Variants in RASGRP4 observed in about 807,000 individuals in gnomAD.
RASGRP4 encodes the protein RAS guanyl releasing protein 4.
In RASGRP4, 52 loss-of-function variants were observed where a neutral mutation model predicts 84.4. The observed-to-expected ratio is 0.62, with a 90% confidence interval of 0.49 to 0.78. RASGRP4 has a LOEUF of 0.78. Ranked by LOEUF, RASGRP4 falls within the 30% of genes least tolerant of loss-of-function variation. The pLI is 0.00. For synonymous variants in RASGRP4, 356 were observed against 359.1 expected, an observed-to-expected ratio of 0.99 and a Z score of 0.10; for missense variants, 760 against 886.9, an observed-to-expected ratio of 0.86 and a Z score of 1.82.
At position 38,411,013 on chromosome 19, in the gene RASGRP4, A is replaced by T; in HGVS notation, c.1853-15T>A. On this transcript the variant is annotated splice_polypyrimidine_tract_variant and intron_variant, in intron 15 of 16. Transcript: ENST00000615439. ...TTCCTCGGAGCCTGTTTGTGGGTGGATGGAAGGGATGTGGGTCTGATGGGA... is the reference window on the plus strand; with the variant it reads ...TTCCTCGGAGCCTGTTTGTGGGTGGTTGGAAGGGATGTGGGTCTGATGGGA... 1.2e-6 allele frequency: 2 copies of T among 1,607,342 alleles called. No homozygotes were observed. Among genetic ancestry groups the T allele is most frequent in the Non-Finnish European group, 1.7e-6 (2 of 1,176,910 alleles).
chr19:38,417,115 C>T lies in RASGRP4; in HGVS notation c.891G>A (p.Leu297=). The T allele has an allele frequency of 6.4e-7, 1 of 1,565,240 alleles. No homozygotes were observed. The highest frequency in any genetic ancestry group is 8.7e-7 in the Non-Finnish European group (1 of 1,154,780). The change falls in exon 8 of 17, where the codon CTG becomes CTA. Residue 297 remains leucine (L), a synonymous_variant. Coordinates refer to ENST00000615439, the MANE Select transcript of RASGRP4 (RefSeq NM_170604.3). This position sits in a 1 kb window ranked among gnomAD's most constrained non-coding sequence, Gnocchi z 5.1. The part of the protein sequence containing the change: ...FNTLMAVTGG[L]CHSAISRLKD... ...TGAGTCTGGAGATGGCACTGTGACA[C>T]AGGCCCCCTGTGACTGCCATCAGCG... is the stretch of plus-strand genomic sequence containing the variant.
At chr19:38,411,528 G>T (rs750366977) in intron 13 of RASGRP4, 147 bp from the exon 14 acceptor site, 2 of 787,506 alleles carry the variant, frequency 2.5e-6, no homozygotes, top group South Asian at 1.9e-5. Context: ...AGGAATGTGG[G>T]TGGGGTACAG....
rs1160081899 is a variant in RASGRP4 at position 38,413,252 on chromosome 19, C to T, written c.1357G>A (p.Gly453Ser). 1.9e-6 allele frequency: 3 copies of T among 1,613,820 alleles called. No homozygotes were observed. The highest frequency in any genetic ancestry group is 2.5e-6 in the Non-Finnish European group (3 of 1,179,872). The change falls in exon 11 of 17, where the codon GGT becomes AGT. Residue 453 changes from glycine to serine, a missense_variant. Gly to Ser is a moderately conservative substitution (Grantham distance 56). Coordinates refer to ENST00000615439, the MANE Select transcript of RASGRP4 (RefSeq NM_170604.3). The surrounding 1 kb of genome is among the most constrained non-coding windows in gnomAD (Gnocchi z 4.7). Reference sequence around the variant, plus strand: ...ACCCTGTCCGGCTTGGGTGTCACACCAGGGGCCCACTCCACCACCAGAGGT... The same window carrying T: ...ACCCTGTCCGGCTTGGGTGTCACACTAGGGGCCCACTCCACCACCAGAGGT... ...NAPLVVEWAP[G>S]VTPKPDRVTL...
In RASGRP4 at chr19:38,426,100, C is replaced by A. The variant is rs186298477; in HGVS notation, c.-9G>T. 1.5e-6 allele frequency: 2 copies of A among 1,331,040 alleles called. No individual in the cohort carries two copies. The highest frequency in any genetic ancestry group is 2.8e-5 in the East Asian group (1 of 35,572). 82.5% of individuals were successfully genotyped at this position (1,331,040 alleles called of 1,614,324 possible). A position where few individuals can be genotyped will look rare whatever the true frequency, so the allele number is the denominator to read the frequency against. On this transcript the variant is annotated 5_prime_UTR_variant, in exon 1 of 17. Transcript: ENST00000615439. ...CTGTCTTTTCTGTTCATGCTTCCCG[C>A]GTGGGGTGAGGAGGCCGGGGGTCTT...
intron 1 of RASGRP4, among the ~76,000 whole-genome samples, chr19:38,424,763 G>A (rs906116611): frequency 2.6e-5 from 4 of 151,820 alleles, no homozygotes; most frequent in Non-Finnish European, 4.4e-5. Flanking sequence ...ATATGTCCTA[G>A]GCTAAGGAAG....
At chr19:38,422,215 CTT>C in intron 1 of RASGRP4, 62 bp from the exon 2 acceptor site, 3 of 1,468,584 alleles carry the variant, frequency 2.0e-6, no homozygotes, top group Non-Finnish European at 9.1e-7. Flanking sequence ...CCTAGAATTC[CTT>C]TTGACTCTAA....
intron 4 of RASGRP4, 91 bp downstream of exon 4, chr19:38,420,814 AACT>A: frequency 7.6e-7 from 1 of 1,309,560 alleles, no homozygotes; most frequent in Non-Finnish European, 1.1e-6. Flanking sequence ...GGTCTGTGGG[AACT>A]GGCCTGGGGA....
chr19:38,422,040 A>G lies in RASGRP4; in HGVS notation c.137T>C (p.Met46Thr), dbSNP rs1600576835. The change falls in exon 2 of 17, where the codon ATG (methionine) becomes ACG (threonine). Residue 46 changes from methionine (M) to threonine (T), a missense_variant. Met to Thr is a moderately conservative substitution (Grantham distance 81). Transcript: ENST00000615439. ...PREISKVMAS[M>T]NLGLLSEGGC... is the part of the protein sequence containing the mutation. Reference sequence around the variant, plus strand: ...GCCCTCACTCAGCAGGCCCAGGTTCATGGAAGCCATGACCTTGCTGATTTC... The same window carrying G: ...GCCCTCACTCAGCAGGCCCAGGTTCGTGGAAGCCATGACCTTGCTGATTTC... The G allele has an allele frequency of 1.2e-6, 2 of 1,613,702 alleles. No individual in the cohort carries two copies. Among genetic ancestry groups the G allele is most frequent in the Non-Finnish European group, 1.7e-6 (2 of 1,179,792 alleles).
Position 38,415,071 on chromosome 19 carries a change from T to C in RASGRP4, c.1007A>G (p.Tyr336Cys). The C allele has an allele frequency of 6.2e-7, 1 of 1,602,202 alleles. No homozygotes were observed. Among genetic ancestry groups the C allele is most frequent in the Non-Finnish European group, 8.5e-7 (1 of 1,174,794 alleles). Residue 336 changes from tyrosine to cysteine, a missense_variant, in exon 9 of 17, where the codon TAC (tyrosine) becomes TGC (cysteine). Tyr to Cys is a radical substitution (Grantham distance 194, BLOSUM62 -2). Transcript: ENST00000615439. ...LLASHNNYARYRRTWAGCAGF... is the reference protein window; with the variant it reads ...LLASHNNYARCRRTWAGCAGF... ...CGCGCAGCCAGCCCAGGTGCGGCGG[T>C]AGCGGGCGTAGTTGTTGTGGGAGGC...
intron 1 of RASGRP4, among the ~76,000 whole-genome samples, chr19:38,424,845 C>T (rs906862312): frequency 2.6e-5 from 4 of 152,114 alleles, no homozygotes; most frequent in African/African-American, 9.7e-5. Flanking sequence ...CACCTGGGAA[C>T]TGGATATCAA....
At position 38,412,307 on chromosome 19, in the gene RASGRP4, G is replaced by T. The variant is rs745874182; in HGVS notation, c.1680+365C>A. 5.1e-6 allele frequency: 1 copy of T among 195,350 alleles called. No individual in the cohort carries two copies. The highest frequency in any genetic ancestry group is 1.1e-5 in the Non-Finnish European group (1 of 94,072). The allele number at this position is 195,350 out of a possible 1,614,324, so 12.1% of individuals were successfully genotyped here. ...TAATTTTTGTATTTTTAGTAGAGACGGGGTCTCTCTTGCTATGTTCCCTAG... is the reference window on the plus strand; with the variant it reads ...TAATTTTTGTATTTTTAGTAGAGACTGGGTCTCTCTTGCTATGTTCCCTAG... On this transcript the variant is annotated intron_variant, in intron 13 of 16. Transcript: ENST00000615439. This position sits in a 1 kb window ranked among gnomAD's most constrained non-coding sequence, Gnocchi z 4.6.
At position 38,417,279 on chromosome 19, in the gene RASGRP4, G is replaced by A; in HGVS notation, c.838-111C>T. ...GTCCCAGGCATGTGTGGACCAATGT[G>A]GGGATCAGACAGGTGAGAGAAGGCG... On this transcript the variant is annotated intron_variant, in intron 7 of 16. Transcript: ENST00000615439. The surrounding 1 kb of genome is among the most constrained non-coding windows in gnomAD (Gnocchi z 5.1). The A allele has an allele frequency of 1.4e-6, 1 of 715,552 alleles. No homozygotes were observed. Among genetic ancestry groups the A allele is most frequent in the Non-Finnish European group, 2.5e-6 (1 of 399,542 alleles). 44.3% of individuals were successfully genotyped at this position (715,552 alleles called of 1,614,324 possible). A position where few individuals can be genotyped will look rare whatever the true frequency, so the allele number is the denominator to read the frequency against.
Position 38,420,239 on chromosome 19 carries a change from T to A in RASGRP4, c.401A>T (p.Glu134Val). Residue 134 changes from glutamate (E) to valine (V), a missense_variant, in exon 5 of 17, where the codon GAG (glutamate) becomes GTG (valine). Coordinates refer to ENST00000615439, the MANE Select transcript of RASGRP4 (RefSeq NM_170604.3). Reference sequence around the variant, plus strand: ...TAGCTGGGGATCCTGGTGCATCACCTCAGGGTGTCGCATCAGCCAGTACCT... The same window carrying A: ...TAGCTGGGGATCCTGGTGCATCACCACAGGGTGTCGCATCAGCCAGTACCT... ...LVRYWLMRHP[E>V]VMHQDPQLEE... The A allele has an allele frequency of 6.2e-7, 1 of 1,613,278 alleles. No individual in the cohort carries two copies. The highest frequency in any genetic ancestry group is 1.1e-5 in the South Asian group (1 of 90,926).
At chr19:38,420,395 TG>T (rs560577962) in intron 4 of RASGRP4, 133 bp from the exon 5 acceptor site, 125 of 941,208 alleles carry the variant, frequency 1.3e-4, no homozygotes, top group Non-Finnish European at 1.7e-4. Flanking sequence ...CCTGGAGGGT[TG>T]GGGTTTGGAG....
chr19:38,418,320 G>T lies in RASGRP4; in HGVS notation c.837+71C>A. On this transcript the variant is annotated intron_variant, in intron 7 of 16. Transcript: ENST00000615439. This position sits in a 1 kb window ranked among gnomAD's most constrained non-coding sequence, Gnocchi z 4.6. ...ACCGCCGGGATGACCCTGTGGGGTC[G>T]AGGGTCTGGAAGGGGAAGGACCAGG... The T allele has an allele frequency of 1.4e-6, 2 of 1,475,222 alleles. No homozygotes were observed. The highest frequency in any genetic ancestry group is 1.9e-6 in the Non-Finnish European group (2 of 1,080,186). 91.4% of individuals were successfully genotyped at this position (1,475,222 alleles called of 1,614,324 possible).
intron 8 of RASGRP4, among the ~76,000 whole-genome samples, chr19:38,416,353 T>C (rs12986169): frequency 0.35 from 52,157 of 150,264 alleles, 13,993 homozygotes; most frequent in African/African-American, 0.75. Flanking sequence ...ATCCCAGCTA[T>C]TCGGGAGGCT....
chr19:38,424,626 G>GT (rs1217666048), intron 1 of RASGRP4, among the ~76,000 whole-genome samples: 1 of 136,780 alleles, frequency 7.3e-6, no homozygotes, highest in East Asian at 2.6e-4. Flanking sequence ...TGGGGGGGGG[G>GT]GTCTCACTAT....
In RASGRP4 at chr19:38,418,588, G is replaced by C; in HGVS notation, c.664-24C>G. ...GGCTGGGAGCGAGGTGGGTGTCAAG[G>C]TGGGCCGTGGCGCTCAGGCCCTGCC... On this transcript the variant is annotated intron_variant, in intron 6 of 16. Transcript: ENST00000615439. The surrounding 1 kb of genome is among the most constrained non-coding windows in gnomAD (Gnocchi z 4.6). 1 of 1,487,718 alleles carries C rather than the reference G, an allele frequency of 6.7e-7. No individual in the cohort carries two copies. Among genetic ancestry groups the C allele is most frequent in the Non-Finnish European group, 9.0e-7 (1 of 1,116,822 alleles). The allele number at this position is 1,487,718 out of a possible 1,614,324, so 92.2% of individuals were successfully genotyped here.
At chr19:38,424,363 TCCCA>T (rs935432679) in intron 1 of RASGRP4, among the ~76,000 whole-genome samples, 11 of 152,206 alleles carry the variant, frequency 7.2e-5, no homozygotes, top group Non-Finnish European at 1.3e-4. Flanking sequence ...CAACTGATCC[TCCCA>T]CCTTTGCCTC....
Sources: allele counts gnomAD v4.1 joint callset (sites outside exome capture counted in the v4.1 genomes callset), GRCh38; gene constraint gnomAD v4.1.1; non-coding constraint Gnocchi (gnomAD v3.1); transcripts MANE v1.5; gene names NCBI Gene and HGNC (gene_info 2026-07-23, HGNC 2026-07-21).